Variants in GPHN observed in about 807,000 individuals in gnomAD.
The protein encoded by GPHN is gephyrin.
Under a neutral mutation model 95.5 loss-of-function variants are expected in GPHN, and 17 were observed. The observed-to-expected ratio is 0.18, with a 90% CI of 0.12 to 0.27. GPHN has a LOEUF of 0.27. Ranked by LOEUF, GPHN falls within the 10% of genes least tolerant of loss-of-function variation. GPHN has a pLI of 1.00. For missense variants in GPHN, 660 were observed against 978.1 expected (o/e 0.67, Z 4.34); for synonymous variants, 320 against 322.5 (o/e 0.99, Z 0.08).
chr14:67,719,854 A>G, the GPHN span, among the ~76,000 whole-genome samples: 3 of 152,280 alleles, frequency 2.0e-5, no homozygotes, highest in Admixed American at 1.3e-4. Flanking sequence ...ACAGCTGTAT[A>G]CTATCTATTA....
At chr14:67,305,741 A>G in the GPHN span, among the ~76,000 whole-genome samples, 2 of 152,236 alleles carry the variant, frequency 1.3e-5, no homozygotes, top group African/African-American at 4.8e-5. Flanking sequence ...CAATTAACTT[A>G]CACAGATTGT....
intron 3 of GPHN, among the ~76,000 whole-genome samples, chr14:66,816,718 AGT>A (rs2060983675): frequency 6.6e-6 from 1 of 152,214 alleles, no homozygotes; most frequent in Non-Finnish European, 1.5e-5. Context: ...TCCAGTTAAC[AGT>A]CTAACATCAC....
chr14:67,186,953 GCCCAC>G, the GPHN span, among the ~76,000 whole-genome samples: 1 of 152,114 alleles, frequency 6.6e-6, no homozygotes, highest in Non-Finnish European at 1.5e-5. Flanking sequence ...ACGAAAATAA[GCCCAC>G]ATGTGAAGAG....
chr14:67,330,530 C>T, the GPHN span, among the ~76,000 whole-genome samples: 21 of 146,720 alleles, frequency 1.4e-4, no homozygotes, highest in Admixed American at 2.8e-4. Flanking sequence ...ACTATCTCTG[C>T]TCACTGCAAC....
At chr14:66,698,383 A>T (rs1490484774) in intron 2 of GPHN, among the ~76,000 whole-genome samples, 1 of 152,090 alleles carries the variant, frequency 6.6e-6, no homozygotes, top group Non-Finnish European at 1.5e-5. Context: ...TAAAAAGGGG[A>T]TGTAATATTT....
intron 14 of GPHN, among the ~76,000 whole-genome samples, chr14:67,111,422 A>C (rs2078365062): frequency 6.6e-6 from 1 of 152,178 alleles, no homozygotes; most frequent in African/African-American, 2.4e-5. Flanking sequence ...CTTTACTGAA[A>C]TTTCTGCAAG....
intron 9 of GPHN, among the ~76,000 whole-genome samples, chr14:66,993,242 T>C (rs1246435292): frequency 1.3e-5 from 2 of 151,924 alleles, no homozygotes; most frequent in African/African-American, 4.8e-5. Context: ...CTCTCTCTCT[T>C]CACATAGATT....
At chr14:67,054,910 C>T (rs543214452) in intron 10 of GPHN, among the ~76,000 whole-genome samples, 67 of 151,288 alleles carry the variant, frequency 4.4e-4, no homozygotes, top group African/African-American at 1.5e-3. Flanking sequence ...AAATTGAAAC[C>T]GGACCCTTTC....
At position 66,539,393 on chromosome 14, in the gene GPHN, A is replaced by G. The variant is rs866398788; in HGVS notation, c.64+30802A>G. Among the ~76,000 whole-genome samples the G allele has an allele frequency of 3.4e-5, 5 of 146,576 alleles. 1 individual carries two copies. Among genetic ancestry groups the G allele is most frequent in the Middle Eastern group, 7.2e-3 (2 of 278 alleles). On this transcript the variant is annotated intron_variant, in intron 1 of 22. Coordinates refer to ENST00000478722, the MANE Select transcript of GPHN (RefSeq NM_020806.5). Reference sequence around the variant, plus strand: ...TTCAGACTACTGCATGAAAAAGCTCAGCTGCTTTCTACTTTCTTTTTTTTT... The same window carrying G: ...TTCAGACTACTGCATGAAAAAGCTCGGCTGCTTTCTACTTTCTTTTTTTTT...
At chr14:67,651,247 C>A in the GPHN span, 2 of 1,516,824 alleles carry the variant, frequency 1.3e-6, no homozygotes, top group Non-Finnish European at 1.8e-6. Flanking sequence ...TCTTTCCTCC[C>A]TCCTCCCACA....
chr14:66,589,550 CAAA>C (rs946583803), intron 1 of GPHN, among the ~76,000 whole-genome samples: 5 of 151,148 alleles, frequency 3.3e-5, no homozygotes, highest in Admixed American at 1.3e-4. Context: ...AAAAAAAAGA[CAAA>C]GAAGGGCTTT....
At chr14:67,346,613 C>T in the GPHN span, among the ~76,000 whole-genome samples, 1 of 152,106 alleles carries the variant, frequency 6.6e-6, no homozygotes, top group African/African-American at 2.4e-5. Flanking sequence ...CTGTGCCTGG[C>T]CAAGAATATT....
rs548239891 is a variant in GPHN at position 66,618,922 on chromosome 14, G to A, written c.65-62185G>A. Among the ~76,000 whole-genome samples, 4 of 152,056 alleles carry A rather than the reference G, an allele frequency of 2.6e-5. 1 individual carries two copies. The highest frequency in any genetic ancestry group is 9.6e-5 in the African/African-American group (4 of 41,480). The stretch of plus-strand genomic sequence containing the variant: ...TGATTCTGGGTAATCTTTCCCTTTT[G>A]TTCTCCCTTATCTCCATCTATCACC... On this transcript the variant is annotated intron_variant, in intron 1 of 22. Transcript: ENST00000478722.
chr14:67,361,643 A>G, the GPHN span, among the ~76,000 whole-genome samples: 9 of 152,334 alleles, frequency 5.9e-5, no homozygotes, highest in East Asian at 1.3e-3. Context: ...AGTCCTACCT[A>G]CCATTTGTCA....
the GPHN span, among the ~76,000 whole-genome samples, chr14:67,490,020 C>T: frequency 6.6e-6 from 1 of 151,876 alleles, no homozygotes; most frequent in Non-Finnish European, 1.5e-5. Flanking sequence ...GTCTATGTGT[C>T]TGTTTCCCCC....
the GPHN span, among the ~76,000 whole-genome samples, chr14:67,527,392 C>T: frequency 0.023 from 3,532 of 152,196 alleles, 87 homozygotes; most frequent in African/African-American, 0.058. Flanking sequence ...GAGCCGATAT[C>T]GCACCATTGC....
intron 8 of GPHN, among the ~76,000 whole-genome samples, chr14:66,964,733 A>C (rs1262310122): frequency 6.6e-6 from 1 of 152,198 alleles, no homozygotes; most frequent in African/African-American, 2.4e-5. Context: ...GTCTTCTGCC[A>C]GTGCCTTTCA....
chr14:67,339,000 T>TTC, the GPHN span, among the ~76,000 whole-genome samples: 1 of 150,036 alleles, frequency 6.7e-6, no homozygotes. Context: ...GCCTTTTTTT[T>TTC]TTTTTTTTTT....
chr14:66,861,875 T>A (rs1030765448), intron 4 of GPHN, among the ~76,000 whole-genome samples: 1 of 151,870 alleles, frequency 6.6e-6, no homozygotes, highest in African/African-American at 2.4e-5. Context: ...TATAAGTGCC[T>A]ACATCAAAAA....
Sources: gnomAD v4.1 joint callset for allele counts (sites outside exome capture counted in the v4.1 genomes callset) on GRCh38, gnomAD v4.1.1 for gene constraint, MANE v1.5 for transcripts, NCBI Gene and HGNC (gene_info 2026-07-23, HGNC 2026-07-21) for gene names.